Variants in PPP1R9A observed in about 807,000 individuals in gnomAD.
PPP1R9A encodes the protein neurabin-1.
In PPP1R9A, 59 loss-of-function variants were observed where a neutral mutation model predicts 141.9. The ratio of observed to expected loss-of-function variants is 0.42; its 90% CI spans 0.34 to 0.52. PPP1R9A has a LOEUF of 0.52. Among genes scored for constraint, PPP1R9A ranks in the 20% least tolerant of loss-of-function variants. PPP1R9A has a pLI of 0.10. For missense variants in PPP1R9A, 1,444 were observed against 1,611.9 expected (o/e 0.90, Z 1.78); for synonymous variants, 500 against 569.7 (o/e 0.88, Z 1.74).
intron 5 of PPP1R9A, among the ~76,000 whole-genome samples, chr7:95,182,515 T>C (rs992986019): frequency 2.6e-5 from 4 of 152,246 alleles, no homozygotes; most frequent in Admixed American, 2.6e-4. Context: ...TTTTACTTTA[T>C]TTATATCATT....
chr7:95,283,521 CGTGTTCCACCTAAA>C (rs1299214841), intron 16 of PPP1R9A, among the ~76,000 whole-genome samples: 5 of 152,174 alleles, frequency 3.3e-5, no homozygotes, highest in Non-Finnish European at 7.3e-5. Context: ...CAATAAACTA[CGTGTTCCACCTAAA>C]GTATTTTGAA....
At chr7:95,284,426 G>T (rs1276018836) in intron 17 of PPP1R9A, 96 bp downstream of exon 17, 4 of 1,154,442 alleles carry the variant, frequency 3.5e-6, no homozygotes, top group Non-Finnish European at 4.7e-6. Context: ...TTTCATTGTA[G>T]ATTGTACATT....
chr7:95,220,583 A>C (rs1794274206), intron 7 of PPP1R9A, among the ~76,000 whole-genome samples: 1 of 152,104 alleles, frequency 6.6e-6, no homozygotes, highest in African/African-American at 2.4e-5. Flanking sequence ...TGTGCTATGC[A>C]GATGTGGCTA....
intron 14 of PPP1R9A, among the ~76,000 whole-genome samples, chr7:95,273,237 A>G (rs1226414028): frequency 2.6e-5 from 4 of 152,194 alleles, no homozygotes; most frequent in East Asian, 3.9e-4. Flanking sequence ...ATTAAGGGGA[A>G]CCAGCCAAGT....
chr7:95,228,198 T>C (rs929127231), intron 8 of PPP1R9A, among the ~76,000 whole-genome samples: 1 of 152,222 alleles, frequency 6.6e-6, no homozygotes, highest in African/African-American at 2.4e-5. Context: ...TACATTAGAC[T>C]GACATTATCT....
intron 2 of PPP1R9A, among the ~76,000 whole-genome samples, chr7:94,978,445 A>G (rs1217772068): frequency 4.6e-5 from 7 of 152,230 alleles, no homozygotes; most frequent in Non-Finnish European, 1.0e-4. Context: ...CCTTCAGTAA[A>G]GTTATGAAAG....
intron 4 of PPP1R9A, among the ~76,000 whole-genome samples, chr7:95,128,137 G>A (rs1163703496): frequency 1.3e-5 from 2 of 152,188 alleles, no homozygotes; most frequent in Non-Finnish European, 2.9e-5. Flanking sequence ...CACCAACAGC[G>A]TGTAAGCATT....
intron 2 of PPP1R9A, among the ~76,000 whole-genome samples, chr7:95,060,631 T>C (rs1443016141): frequency 3.3e-5 from 5 of 152,036 alleles, no homozygotes; most frequent in African/African-American, 9.7e-5. Context: ...CCCCAAACTT[T>C]CCCCCATAAG....
intron 2 of PPP1R9A, among the ~76,000 whole-genome samples, chr7:94,978,446 G>A (rs908104803): frequency 2.3e-4 from 35 of 152,170 alleles, no homozygotes; most frequent in Non-Finnish European, 8.8e-5. Context: ...CTTCAGTAAA[G>A]TTATGAAAGC....
intron 3 of PPP1R9A, among the ~76,000 whole-genome samples, chr7:95,111,733 G>A (rs540157458): frequency 2.1e-4 from 32 of 152,238 alleles, no homozygotes; most frequent in Non-Finnish European, 3.8e-4. Flanking sequence ...GCAGATGGTC[G>A]CTTTCTTTTG....
intron 3 of PPP1R9A, among the ~76,000 whole-genome samples, chr7:95,115,870 C>A (rs935969645): frequency 1.3e-5 from 2 of 149,426 alleles, no homozygotes; most frequent in East Asian, 3.9e-4. Context: ...TGAGCCGAGA[C>A]CACACCACTG....
chr7:95,259,910 A>G (rs984701601), intron 12 of PPP1R9A, among the ~76,000 whole-genome samples: 2 of 152,016 alleles, frequency 1.3e-5, no homozygotes, highest in African/African-American at 4.8e-5. Flanking sequence ...AAAAATATAT[A>G]TATATTTTTT....
chr7:95,271,004 A>G (rs746879479), intron 14 of PPP1R9A, among the ~76,000 whole-genome samples: 17 of 152,184 alleles, frequency 1.1e-4, no homozygotes, highest in Non-Finnish European at 2.5e-4. Context: ...TATCCAAGGA[A>G]GTACAATTAG....
chr7:95,127,092 G>A (rs1237456129), intron 4 of PPP1R9A, among the ~76,000 whole-genome samples: 1 of 151,890 alleles, frequency 6.6e-6, no homozygotes, highest in African/African-American at 2.4e-5. Flanking sequence ...TGAAAAGCCC[G>A]TTATATAGCA....
intron 6 of PPP1R9A, among the ~76,000 whole-genome samples, chr7:95,200,776 G>A (rs1257890360): frequency 6.6e-6 from 1 of 152,178 alleles, no homozygotes; most frequent in Non-Finnish European, 1.5e-5. Flanking sequence ...TAAATATTCA[G>A]TGGCAAGCAC....
At chr7:95,005,719 C>G (rs1803500403) in intron 2 of PPP1R9A, among the ~76,000 whole-genome samples, 1 of 152,104 alleles carries the variant, frequency 6.6e-6, no homozygotes, top group South Asian at 2.1e-4. Context: ...GTTAATAAAG[C>G]ATTTCTTTAA....
At chr7:95,238,700 C>G (rs909774778) in intron 8 of PPP1R9A, among the ~76,000 whole-genome samples, 1 of 152,126 alleles carries the variant, frequency 6.6e-6, no homozygotes, top group Non-Finnish European at 1.5e-5. Context: ...GCACTTTCCC[C>G]CTCCCTAACT....
intron 8 of PPP1R9A, among the ~76,000 whole-genome samples, chr7:95,244,054 A>G (rs1797799323): frequency 6.6e-6 from 1 of 152,204 alleles, no homozygotes; most frequent in African/African-American, 2.4e-5. Flanking sequence ...CAGAATTAAA[A>G]TAATCGCATA....
Position 95,111,408 on chromosome 7 carries a change from G to A in PPP1R9A, c.1528+17G>A. 1.2e-6 allele frequency: 2 copies of A among 1,605,894 alleles called. No homozygotes were observed. Among genetic ancestry groups the A allele is most frequent in the Non-Finnish European group, 1.7e-6 (2 of 1,174,998 alleles). ...TAGAGAAAGGTTCGTGAGTGCTACAGTGTTAATATCATTATGTTGCTATGT... is the reference window on the plus strand; with the variant it reads ...TAGAGAAAGGTTCGTGAGTGCTACAATGTTAATATCATTATGTTGCTATGT... On this transcript the variant is annotated intron_variant, in intron 3 of 19. Transcript: ENST00000433360.
Sources: allele counts gnomAD v4.1 joint callset (sites outside exome capture counted in the v4.1 genomes callset), GRCh38; gene constraint gnomAD v4.1.1; transcripts MANE v1.5; gene names NCBI Gene and HGNC (gene_info 2026-07-23, HGNC 2026-07-21).